The following APBA1 variants were observed in gnomAD, a reference collection of about 807,000 sequenced individuals.
APBA1 encodes amyloid beta precursor protein binding family A member 1.
APBA1 carries 55 observed loss-of-function variants against 86.6 expected under a neutral mutation model. That is an observed-to-expected ratio of 0.64 (90% confidence interval 0.51 to 0.80). The LOEUF is 0.80. APBA1 is among the 30% of genes least tolerant of loss of function. The pLI is 0.00. For missense variants in APBA1, 1,090 were observed against 1,183.0 expected (o/e 0.92, Z 1.15); for synonymous variants, 511 against 493.9 (o/e 1.03, Z -0.46).
In APBA1 at chr9:69,456,414, G is replaced by C. The variant is rs202066084; in HGVS notation, c.1621C>G (p.Pro541Ala). The C allele has an allele frequency of 4.4e-5, 70 of 1,602,576 alleles. No individual in the cohort carries two copies. Among genetic ancestry groups the C allele is most frequent in the Non-Finnish European group, 5.7e-5 (67 of 1,173,178 alleles). ...GCAATGTAGGAAATGGTCCTCAGAG[G>C]GTGGTCCATCATTGTCTCCTGGAGG... ...ADTQETMMDH[P>A]LRTISYIADI... The change falls in exon 8 of 13, where the codon CCT (proline) becomes GCT (alanine). Residue 541 changes from proline to alanine, a missense_variant. Coordinates refer to ENST00000265381, the MANE Select transcript of APBA1 (RefSeq NM_001163.4).
intron 1 of APBA1, among the ~76,000 whole-genome samples, chr9:69,663,068 C>T (rs1182034090): frequency 6.6e-6 from 1 of 152,214 alleles, no homozygotes; most frequent in African/African-American, 2.4e-5. Context: ...AATAAACACT[C>T]TTCTGATAAA....
intron 3 of APBA1, among the ~76,000 whole-genome samples, chr9:69,473,850 T>G (rs538927544): frequency 6.6e-6 from 1 of 152,316 alleles, no homozygotes; most frequent in African/African-American, 2.4e-5. Flanking sequence ...GTAAATTTTT[T>G]TAAAAAGAGT....
At chr9:69,640,782 T>G (rs1346978838) in intron 1 of APBA1, among the ~76,000 whole-genome samples, 1 of 152,114 alleles carries the variant, frequency 6.6e-6, no homozygotes, top group African/African-American at 2.4e-5. Flanking sequence ...AGAAGGAAAG[T>G]TGATGAAGAG....
intron 1 of APBA1, among the ~76,000 whole-genome samples, chr9:69,572,912 T>C (rs1837138686): frequency 6.6e-6 from 1 of 152,216 alleles, no homozygotes; most frequent in Admixed American, 6.5e-5. Flanking sequence ...TTTTATGATT[T>C]AACTATTTTC....
At position 69,431,195 on chromosome 9, in the gene APBA1, T is replaced by G; in HGVS notation, c.*132A>C. Reference sequence around the variant, plus strand: ...GAGAGAGTAAAGAGGTCCTTGTGGATTCTTCTCTTCCTGTGTAAAACCAAA... The same window carrying G: ...GAGAGAGTAAAGAGGTCCTTGTGGAGTCTTCTCTTCCTGTGTAAAACCAAA... On this transcript the variant is annotated 3_prime_UTR_variant, in exon 13 of 13. Transcript: ENST00000265381. The G allele has an allele frequency of 3.2e-6, 2 of 618,906 alleles. No homozygotes were observed. Among genetic ancestry groups the G allele is most frequent in the South Asian group, 2.8e-5 (1 of 35,994 alleles). 38.3% of individuals were successfully genotyped at this position (618,906 alleles called of 1,614,324 possible).
intron 1 of APBA1, among the ~76,000 whole-genome samples, chr9:69,625,135 TC>T (rs1275484606): frequency 2.6e-5 from 4 of 152,142 alleles, no homozygotes; most frequent in Non-Finnish European, 4.4e-5. Flanking sequence ...CTTTCCCCAT[TC>T]CTAGTACATT....
At chr9:69,611,852 T>C (rs1003989480) in intron 1 of APBA1, among the ~76,000 whole-genome samples, 2 of 152,208 alleles carry the variant, frequency 1.3e-5, no homozygotes, top group East Asian at 3.8e-4. Context: ...ATTGGCTTAA[T>C]GAGTGCTATA....
At chr9:69,655,331 T>C (rs1010778925) in intron 1 of APBA1, among the ~76,000 whole-genome samples, 8 of 152,098 alleles carry the variant, frequency 5.3e-5, no homozygotes, top group African/African-American at 1.9e-4. Flanking sequence ...TATATATATA[T>C]GTATATTCTC....
intron 1 of APBA1, among the ~76,000 whole-genome samples, chr9:69,611,808 G>A (rs574753012): frequency 6.6e-6 from 1 of 152,280 alleles, no homozygotes; most frequent in Admixed American, 6.5e-5. Context: ...ACCTGGCATA[G>A]TTGGCCATAA....
At chr9:69,615,900 A>G (rs897771860) in intron 1 of APBA1, among the ~76,000 whole-genome samples, 5 of 152,232 alleles carry the variant, frequency 3.3e-5, no homozygotes, top group African/African-American at 1.2e-4. Context: ...CAAACTGCTC[A>G]ATACCATAAA....
At chr9:69,433,960 C>T (rs1266452307) in intron 11 of APBA1, among the ~76,000 whole-genome samples, 3 of 152,190 alleles carry the variant, frequency 2.0e-5, no homozygotes, top group Admixed American at 1.3e-4. Context: ...TACAGGTGCC[C>T]GCCACCACAC....
intron 5 of APBA1, among the ~76,000 whole-genome samples, chr9:69,467,244 C>G (rs1835293724): frequency 6.6e-6 from 1 of 152,176 alleles, no homozygotes; most frequent in Non-Finnish European, 1.5e-5. Context: ...CAAACAGGCT[C>G]GTTCCTTTTA....
At chr9:69,547,986 G>A (rs1488329732) in intron 1 of APBA1, among the ~76,000 whole-genome samples, 1 of 152,146 alleles carries the variant, frequency 6.6e-6, no homozygotes, top group African/African-American at 2.4e-5. Flanking sequence ...CTAATTAAGA[G>A]GATGAATCTT....
At chr9:69,565,903 G>T (rs1330375551) in intron 1 of APBA1, among the ~76,000 whole-genome samples, 4 of 152,206 alleles carry the variant, frequency 2.6e-5, no homozygotes, top group Non-Finnish European at 5.9e-5. Flanking sequence ...TGTTTAGAAC[G>T]CTTTGATGGC....
intron 1 of APBA1, among the ~76,000 whole-genome samples, chr9:69,595,718 T>C (rs1253792551): frequency 6.6e-6 from 1 of 152,210 alleles, no homozygotes; most frequent in African/African-American, 2.4e-5. Flanking sequence ...GGGATGGTAG[T>C]AAACGATAGT....
chr9:69,437,256 T>A (rs367679214), intron 11 of APBA1, among the ~76,000 whole-genome samples: 12,219 of 151,420 alleles, frequency 0.081, 697 homozygotes, highest in African/African-American at 0.094. Context: ...GTTGTGTCTC[T>A]GCCCGGCTTT....
At chr9:69,503,357 T>C (rs1258843695) in intron 2 of APBA1, among the ~76,000 whole-genome samples, 4 of 152,132 alleles carry the variant, frequency 2.6e-5, no homozygotes, top group Non-Finnish European at 5.9e-5. Context: ...GCTCTTCTAA[T>C]CTTTTTCCCT....
At chr9:69,585,659 T>A (rs1368949749) in intron 1 of APBA1, among the ~76,000 whole-genome samples, 1 of 152,198 alleles carries the variant, frequency 6.6e-6, no homozygotes, top group Non-Finnish European at 1.5e-5. Flanking sequence ...CAGGGCCCAG[T>A]GTCCAGATCC....
At chr9:69,531,115 C>G (rs775121180) in intron 1 of APBA1, among the ~76,000 whole-genome samples, 7 of 152,066 alleles carry the variant, frequency 4.6e-5, no homozygotes, top group African/African-American at 1.7e-4. Context: ...TTTCTTCCTA[C>G]AAGGTCATCA....
Sources: allele counts gnomAD v4.1 joint callset (sites outside exome capture counted in the v4.1 genomes callset), GRCh38; gene constraint gnomAD v4.1.1; transcripts MANE v1.5; gene names NCBI Gene and HGNC (gene_info 2026-07-23, HGNC 2026-07-21).